The following GDF10 variants were observed in gnomAD, a reference collection of about 807,000 sequenced individuals.
GDF10 encodes growth differentiation factor 10.
In GDF10, 23 loss-of-function variants were observed where a neutral mutation model predicts 32.1. The ratio of observed to expected loss-of-function variants is 0.72; its 90% CI spans 0.52 to 1.02. GDF10 has a LOEUF of 1.02. GDF10 is among the 50% of genes least tolerant of loss of function. GDF10 has a pLI of 0.00. For synonymous variants in GDF10, 328 were observed against 303.1 expected (o/e 1.08, Z -0.85); for missense variants, 764 against 673.9 (o/e 1.13, Z -1.48).
Position 47,310,068 on chromosome 10 carries a change from C to G in GDF10, c.592C>G (p.Arg198Gly), listed in dbSNP as rs1555207488. 3.7e-6 allele frequency: 6 copies of G among 1,606,068 alleles called. No homozygotes were observed. The East Asian group carries it at 1.1e-4, about 30-fold the overall frequency. ...GGCCATGGCCCTGGCGCCCCCACCG[C>G]GCGGCCTGTGGCAGGCCAAGGACAT... ...RGAMALAPPPRGLWQAKDISP... is the reference protein window; with the variant it reads ...RGAMALAPPPGGLWQAKDISP... The change falls in exon 2 of 3, where the codon CGC becomes GGC. Residue 198 changes from arginine to glycine, a missense_variant. Coordinates refer to ENST00000580279, the MANE Select transcript of GDF10 (RefSeq NM_004962.5).
intron 1 of GDF10, among the ~76,000 whole-genome samples, chr10:47,308,849 G>A (rs1375209526): frequency 1.3e-5 from 2 of 152,152 alleles, no homozygotes; most frequent in Admixed American, 6.5e-5. Flanking sequence ...ATTTGAGAAC[G>A]CTCACTGATA....
chr10:47,309,907 G>A lies in GDF10; in HGVS notation c.431G>A (p.Arg144Gln), dbSNP rs537744290. Residue 144 changes from arginine (R) to glutamine (Q), a missense_variant, in exon 2 of 3, where the codon CGA becomes CAA. By Grantham distance (43) the Arg-to-Gln change is conservative (BLOSUM62 1). Transcript: ENST00000580279. ...HFYSEPPRWP[R>Q]ALEVLCKPRA... The stretch of plus-strand genomic sequence containing the variant: ...TACTCAGAGCCGCCTCGGTGGCCTC[G>A]AGCGCTCGAGGTGCTATGCAAGCCG... 8 of 1,612,850 alleles carry A rather than the reference G, an allele frequency of 5.0e-6. No individual in the cohort carries two copies. The South Asian group carries it at 5.5e-5, about 11-fold the overall frequency.
At chr10:47,308,950 G>A (rs1318521014) in intron 1 of GDF10, among the ~76,000 whole-genome samples, 1 of 152,220 alleles carries the variant, frequency 6.6e-6, no homozygotes, top group African/African-American at 2.4e-5. Context: ...ACATGGCTGT[G>A]CTGCCCTGGT....
At chr10:47,304,345 G>A (rs1341873832) in intron 1 of GDF10, among the ~76,000 whole-genome samples, 2 of 151,158 alleles carry the variant, frequency 1.3e-5, no homozygotes, top group Non-Finnish European at 2.9e-5. Context: ...CAGAAGGAAG[G>A]AAGGAGGGAG....
At position 47,310,585 on chromosome 10, in the gene GDF10, G is replaced by A; in HGVS notation, c.1109G>A (p.Trp370Ter). The A allele has an allele frequency of 1.2e-6, 2 of 1,614,220 alleles. No individual in the cohort carries two copies. The highest frequency in any genetic ancestry group is 2.2e-5 in the East Asian group (1 of 44,878). The change falls in exon 2 of 3, where the codon TGG (tryptophan) becomes TAG (stop). Residue 370 changes from tryptophan to a stop codon, truncating the protein, a stop_gained. Transcript: ENST00000580279. LOFTEE classifies it high-confidence loss of function. ...KTMQKARRKQ[W>*]DEPRVCSRRY... Reference sequence around the variant, plus strand: ...ATGCAGAAAGCCCGGAGGAAGCAGTGGGATGAGCCGAGGGTGTGCTCCCGG... The same window carrying A: ...ATGCAGAAAGCCCGGAGGAAGCAGTAGGATGAGCCGAGGGTGTGCTCCCGG...
intron 2 of GDF10, among the ~76,000 whole-genome samples, chr10:47,311,589 TCTC>T (rs2061046312): frequency 6.6e-6 from 1 of 152,174 alleles, no homozygotes; most frequent in South Asian, 2.1e-4. Flanking sequence ...TTAAATGGCT[TCTC>T]CTCAAAACTT....
chr10:47,304,579 A>G (rs1177207655), intron 1 of GDF10, among the ~76,000 whole-genome samples: 2 of 152,228 alleles, frequency 1.3e-5, no homozygotes, highest in Admixed American at 1.3e-4. Context: ...ATATTTTGGT[A>G]GAATCATTCC....
At chr10:47,312,478 A>C in intron 2 of GDF10, 123 bp from the exon 3 acceptor site, 1 of 511,482 alleles carries the variant, frequency 2.0e-6, no homozygotes, top group Non-Finnish European at 3.4e-6. Context: ...GTGGATGCCT[A>C]TTCTGTGGCC....
rs1565748746 is a variant in GDF10, at chr10:47,310,351, C to T, written c.875C>T (p.Ala292Val). The change falls in exon 2 of 3, where the codon GCG becomes GTG. Residue 292 changes from alanine to valine, a missense_variant. Transcript: ENST00000580279. ...GCGGACCCCCGCGTGCGCCGAGCCG[C>T]GCAGGCCACTGGGCCCCTCCAGGAC... Reference protein sequence around the residue: ...NSADPRVRRAAQATGPLQDNE... With the variant: ...NSADPRVRRAVQATGPLQDNE... The T allele has an allele frequency of 9.3e-6, 15 of 1,605,920 alleles. No homozygotes were observed. Among genetic ancestry groups the T allele is most frequent in the African/African-American group, 4.0e-5 (3 of 74,950 alleles).
chr10:47,303,270 C>T (rs2061010753), intron 1 of GDF10, among the ~76,000 whole-genome samples: 1 of 152,166 alleles, frequency 6.6e-6, no homozygotes, highest in Non-Finnish European at 1.5e-5. Context: ...TCTGCTGCCT[C>T]AGTGGGGCAG....
intron 1 of GDF10, among the ~76,000 whole-genome samples, chr10:47,302,076 A>G (rs1338812981): frequency 3.9e-5 from 6 of 152,206 alleles, no homozygotes; most frequent in Non-Finnish European, 8.8e-5. Flanking sequence ...CTCCAGGCCA[A>G]TTGGATCTAA....
rs1458336609 is a variant in GDF10 at position 47,312,291 on chromosome 10, T to TGTGTGACACTCAGGCGCCCCC, written c.1246-309_1246-289dup. On this transcript the variant is annotated intron_variant, in intron 2 of 2. Coordinates refer to ENST00000580279, the MANE Select transcript of GDF10 (RefSeq NM_004962.5). Reference sequence around the variant, plus strand: ...CCTGCTTCCTGGTGCTCCGCGGGGATGTGTGACACTCAGGCGCCCCCATGT... The same window carrying TGTGTGACACTCAGGCGCCCCC: ...CCTGCTTCCTGGTGCTCCGCGGGGATGTGTGACACTCAGGCGCCCCCGTGTGACACTCAGGCGCCCCCATGT... 2.6e-5 allele frequency among the ~76,000 whole-genome samples: 4 copies of TGTGTGACACTCAGGCGCCCCC among 152,118 alleles called. 1 individual carries two copies. Among genetic ancestry groups the TGTGTGACACTCAGGCGCCCCC allele is most frequent in the African/African-American group, 7.2e-5 (3 of 41,444 alleles).
rs2061051350 is a variant in GDF10, at chr10:47,312,735, G to A, written c.1380G>A (p.Arg460=). Residue 460 remains arginine (R), a synonymous_variant, in exon 3 of 3, where the codon CGG becomes CGA. Transcript: ENST00000580279. The part of the protein sequence containing the change: ...SLGVLFLDEN[R]NVVLKVYPNM... ...GGGTCCTCTTCCTGGATGAGAATCG[G>A]AATGTGGTTCTGAAGGTGTACCCCA... 1 of 1,606,790 alleles carries A rather than the reference G, an allele frequency of 6.2e-7. No individual in the cohort carries two copies. Among genetic ancestry groups the A allele is most frequent in the South Asian group, 1.1e-5 (1 of 89,406 alleles).
intron 1 of GDF10, among the ~76,000 whole-genome samples, chr10:47,304,750 A>C (rs782371531): frequency 5.3e-5 from 8 of 152,194 alleles, no homozygotes; most frequent in Non-Finnish European, 8.8e-5. Flanking sequence ...CATGCAGGTA[A>C]AACTTGCAGG....
intron 1 of GDF10, among the ~76,000 whole-genome samples, chr10:47,308,078 G>T (rs566268218): frequency 2.0e-5 from 3 of 152,212 alleles, no homozygotes; most frequent in African/African-American, 4.8e-5. Context: ...TTGGGGATGG[G>T]GGGGTGCAAC....
rs200131733 is a variant in GDF10 at position 47,300,930 on chromosome 10, G to T, written c.279G>T (p.Pro93=). Residue 93 remains proline (P), a synonymous_variant, in exon 1 of 3, where the codon CCG becomes CCT. Coordinates refer to ENST00000580279, the MANE Select transcript of GDF10 (RefSeq NM_004962.5). The part of the protein sequence containing the change: ...YEKYSRQGAR[P]GGGNTVRSFR... ...AGTACAGCCGGCAGGGCGCGCGGCC[G>T]GGAGGGGGCAACACGGTCCGCAGCT... 2 of 1,544,398 alleles carry T rather than the reference G, an allele frequency of 1.3e-6. No homozygotes were observed. Among genetic ancestry groups the T allele is most frequent in the Non-Finnish European group, 1.7e-6 (2 of 1,152,524 alleles).
In GDF10 at chr10:47,300,774, C is replaced by T. The variant is rs1324785093; in HGVS notation, c.123C>T (p.Ser41=). The T allele has an allele frequency of 7.0e-6, 11 of 1,568,834 alleles. No individual in the cohort carries two copies. The highest frequency in any genetic ancestry group is 3.6e-5 in the Admixed American group (2 of 55,864). ...GCAGCCACAGGGCCCCCGCCTGGTC[C>T]GCACTGCCCGCGGCCGCCGACGGCC... ...VAGSHRAPAW[S]ALPAAADGLQ... The change falls in exon 1 of 3, where the codon TCC becomes TCT. Residue 41 remains serine (S), a synonymous_variant. Transcript: ENST00000580279.
Position 47,300,766 on chromosome 10 carries a change from G to A in GDF10, c.115G>A (p.Ala39Thr). 1 of 1,570,532 alleles carries A rather than the reference G, an allele frequency of 6.4e-7. No individual in the cohort carries two copies. The highest frequency in any genetic ancestry group is 2.3e-5 in the East Asian group (1 of 42,832). The stretch of plus-strand genomic sequence containing the variant: ...TGTGGCCGGCAGCCACAGGGCCCCC[G>A]CCTGGTCCGCACTGCCCGCGGCCGC... ...RDVAGSHRAP[A>T]WSALPAAADG... Residue 39 changes from alanine (A) to threonine (T), a missense_variant, in exon 1 of 3, where the codon GCC becomes ACC. Coordinates refer to ENST00000580279, the MANE Select transcript of GDF10 (RefSeq NM_004962.5).
Position 47,310,337 on chromosome 10 carries a change from C to A in GDF10, c.861C>A (p.Arg287=). 6 of 1,605,644 alleles carry A rather than the reference C, an allele frequency of 3.7e-6. No homozygotes were observed. The highest frequency in any genetic ancestry group is 5.1e-6 in the Non-Finnish European group (6 of 1,176,736). The change falls in exon 2 of 3, where the codon CGC becomes CGA. Residue 287 remains arginine, a synonymous_variant. Transcript: ENST00000580279. ...CCCCCAACAACTCAGCGGACCCCCG[C>A]GTGCGCCGAGCCGCGCAGGCCACTG... ...RAAPNNSADP[R]VRRAAQATGP... is the part of the protein sequence containing the mutation.
Sources: allele counts gnomAD v4.1 joint callset (sites outside exome capture counted in the v4.1 genomes callset), GRCh38; gene constraint gnomAD v4.1.1; transcripts MANE v1.5; gene names NCBI Gene and HGNC (gene_info 2026-07-23, HGNC 2026-07-21).